Variants in FRMD4A observed in about 807,000 individuals in gnomAD.
The protein encoded by FRMD4A is FERM domain containing 4A.
A neutral mutation model predicts 129.1 loss-of-function variants in FRMD4A; 29 were observed. The ratio of observed to expected loss-of-function variants is 0.22; its 90% CI spans 0.17 to 0.31. The LOEUF (loss-of-function observed/expected upper bound fraction) is 0.31. Ranked by LOEUF, FRMD4A falls within the 10% of genes least tolerant of loss-of-function variation. FRMD4A has a pLI of 1.00. For synonymous variants in FRMD4A, 634 were observed against 571.6 expected (o/e 1.11, Z -1.56); for missense variants, 1,272 against 1,375.8 (o/e 0.92, Z 1.19).
intron 4 of FRMD4A, among the ~76,000 whole-genome samples, chr10:13,810,070 T>C (rs1262700802): frequency 2.0e-5 from 3 of 151,742 alleles, no homozygotes; most frequent in Non-Finnish European, 4.4e-5. Flanking sequence ...TCTGAAGATC[T>C]GGAAGACAGA....
chr10:13,951,893 T>TAATAAC (rs1445952108), intron 2 of FRMD4A, among the ~76,000 whole-genome samples: 3 of 119,234 alleles, frequency 2.5e-5, no homozygotes, highest in African/African-American at 9.8e-5. Context: ...CTGTCTCAAA[T>TAATAAC]AATAATAATA....
intron 3 of FRMD4A, among the ~76,000 whole-genome samples, chr10:13,813,640 A>G (rs7097626): frequency 0.21 from 32,365 of 152,088 alleles, 3,824 homozygotes; most frequent in Non-Finnish European, 0.26. Flanking sequence ...GGGCAAAATC[A>G]TCTAATGTCA....
intron 2 of FRMD4A, among the ~76,000 whole-genome samples, chr10:14,069,966 T>C (rs1418173098): frequency 6.6e-6 from 1 of 152,146 alleles, no homozygotes; most frequent in African/African-American, 2.4e-5. Context: ...GGCCAATCTG[T>C]TCAACACAAA....
intron 11 of FRMD4A, among the ~76,000 whole-genome samples, chr10:13,739,569 T>C (rs1541014): frequency 1 from 152,046 of 152,366 alleles, 75,863 homozygotes; most frequent in Middle Eastern, 1. Flanking sequence ...AGCCCTGCTT[T>C]TGATCTTTAC....
chr10:14,303,372 G>A (rs1004390979), intron 2 of FRMD4A, among the ~76,000 whole-genome samples: 1 of 152,208 alleles, frequency 6.6e-6, no homozygotes, highest in African/African-American at 2.4e-5. Flanking sequence ...AAGCTCCCTG[G>A]TGATGCCACT....
chr10:13,900,090 A>T (rs1458682875), intron 2 of FRMD4A, among the ~76,000 whole-genome samples: 1 of 152,130 alleles, frequency 6.6e-6, no homozygotes, highest in African/African-American at 2.4e-5. Context: ...TTATATTTTT[A>T]TACCCAATCC....
At position 14,209,657 on chromosome 10, in the gene FRMD4A, C is replaced by A. The variant is rs368576574; in HGVS notation, c.45+120401G>T. Among the ~76,000 whole-genome samples, 152 of 148,948 alleles carry A rather than the reference C, an allele frequency of 1.0e-3. 5 individuals carry two copies. In the South Asian group the frequency reaches 0.031, roughly 31 times the overall value. On this transcript the variant is annotated intron_variant, in intron 2 of 24. Transcript: ENST00000357447. ...AATGGTGTGAACCCAGGAGGCGGAG[C>A]TTGCAGTGAGCTGAGATTGTGCCAT...
At chr10:14,158,275 A>G (rs1376442637) in intron 2 of FRMD4A, among the ~76,000 whole-genome samples, 1 of 152,160 alleles carries the variant, frequency 6.6e-6, no homozygotes, top group Non-Finnish European at 1.5e-5. Flanking sequence ...AGTGTTGGAG[A>G]TGAGAAACTT....
intron 5 of FRMD4A, among the ~76,000 whole-genome samples, chr10:13,787,813 C>A (rs577780410): frequency 6.7e-6 from 1 of 150,290 alleles, no homozygotes; most frequent in East Asian, 1.9e-4. Flanking sequence ...AGTTTTTGGC[C>A]GGGCATGCCT....
At chr10:13,957,879 G>T (rs1378339038) in intron 2 of FRMD4A, among the ~76,000 whole-genome samples, 1 of 150,592 alleles carries the variant, frequency 6.6e-6, no homozygotes, top group African/African-American at 2.4e-5. Context: ...TACATACGGC[G>T]ACTAGGAACC....
chr10:14,250,784 G>A (rs997625141), intron 2 of FRMD4A, among the ~76,000 whole-genome samples: 2 of 152,222 alleles, frequency 1.3e-5, no homozygotes, highest in Non-Finnish European at 2.9e-5. Flanking sequence ...ACAGTGAGCA[G>A]AGAGGGAATG....
At chr10:14,120,604 T>C (rs185572321) in intron 2 of FRMD4A, among the ~76,000 whole-genome samples, 2 of 152,342 alleles carry the variant, frequency 1.3e-5, no homozygotes, top group East Asian at 3.9e-4. Context: ...TGGTAGAGAC[T>C]GGTGGCTGTT....
chr10:14,290,658 T>A (rs1316378586), intron 2 of FRMD4A, among the ~76,000 whole-genome samples: 1 of 152,092 alleles, frequency 6.6e-6, no homozygotes, highest in Non-Finnish European at 1.5e-5. Flanking sequence ...AACAGCATCA[T>A]GAGATTGGGC....
At chr10:14,279,182 A>ATTTTTTTTTTTTTT (rs1223887250) in intron 2 of FRMD4A, among the ~76,000 whole-genome samples, 2 of 99,632 alleles carry the variant, frequency 2.0e-5, no homozygotes, top group Non-Finnish European at 3.8e-5. Context: ...AGGAAGCGGG[A>ATTTTTTTTTTTTTT]TTTTTTTTTT....
chr10:13,813,774 C>G (rs535617545), intron 3 of FRMD4A, among the ~76,000 whole-genome samples: 2 of 152,178 alleles, frequency 1.3e-5, no homozygotes, highest in Non-Finnish European at 2.9e-5. Flanking sequence ...CGTATTGTAC[C>G]GCGTACTGCT....
chr10:14,013,220 C>G (rs2095687952), intron 2 of FRMD4A, among the ~76,000 whole-genome samples: 1 of 152,162 alleles, frequency 6.6e-6, no homozygotes, highest in East Asian at 1.9e-4. Context: ...AAATATCTGT[C>G]CTAACCTCCA....
At chr10:14,076,354 A>C (rs3125587) in intron 2 of FRMD4A, among the ~76,000 whole-genome samples, 1 of 152,094 alleles carries the variant, frequency 6.6e-6, no homozygotes, top group East Asian at 1.9e-4. Flanking sequence ...TAAAATGTGG[A>C]TCATGGCCAG....
At chr10:13,928,719 A>G (rs1261134090) in intron 2 of FRMD4A, among the ~76,000 whole-genome samples, 1 of 152,068 alleles carries the variant, frequency 6.6e-6, no homozygotes, top group Non-Finnish European at 1.5e-5. Context: ...AGGAGAGGAG[A>G]TACTGCTGAA....
chr10:13,912,161 A>G (rs1185588716), intron 2 of FRMD4A, among the ~76,000 whole-genome samples: 1 of 152,214 alleles, frequency 6.6e-6, no homozygotes, highest in African/African-American at 2.4e-5. Context: ...ATATTATAGA[A>G]AAGAATGCAA....
Sources: allele counts gnomAD v4.1 joint callset (sites outside exome capture counted in the v4.1 genomes callset), GRCh38; gene constraint gnomAD v4.1.1; transcripts MANE v1.5; gene names NCBI Gene and HGNC (gene_info 2026-07-23, HGNC 2026-07-21).